The following NIPA2 variants were observed in gnomAD, a reference collection of about 807,000 sequenced individuals.
The protein encoded by NIPA2 is magnesium transporter NIPA2.
In NIPA2, 11 loss-of-function variants were observed where a neutral mutation model predicts 29.7. That is an observed-to-expected ratio of 0.37 (90% CI 0.23 to 0.61). The LOEUF (loss-of-function observed/expected upper bound fraction) is 0.61. NIPA2 is among the 20% of genes least tolerant of loss of function. The pLI is 0.66. For missense variants in NIPA2, 426 were observed against 437.9 expected, an observed-to-expected ratio of 0.97 and a Z score of 0.24; for synonymous variants, 183 against 161.9, an observed-to-expected ratio of 1.13 and a Z score of -0.99.
chr15:22,862,005 G>C (rs1307068024), intron 7 of NIPA2, among the ~76,000 whole-genome samples: 1 of 150,428 alleles, frequency 6.6e-6, no homozygotes, highest in African/African-American at 2.4e-5. Context: ...CCAAAGTGTT[G>C]GGATTACAGG....
chr15:22,846,715 C>T (rs2141094940), intron 3 of NIPA2, among the ~76,000 whole-genome samples: 1 of 151,658 alleles, frequency 6.6e-6, no homozygotes, highest in East Asian at 1.9e-4. Context: ...ACTTGAGAGG[C>T]TGAGGTGGGA....
chr15:22,866,588 C>G lies in NIPA2; in HGVS notation c.824C>G (p.Pro275Arg), dbSNP rs1486901592. ...AILFKEWQDMPVDDVIGTLSG... is the reference protein window; with the variant it reads ...AILFKEWQDMRVDDVIGTLSG... ...CTTTTTAAGGAGTGGCAAGATATGC[C>G]TGTTGACGATGTCATTGGTACTTTG... The change falls in exon 8 of 8, where the codon CCT (proline) becomes CGT (arginine). Residue 275 changes from proline (P) to arginine (R), a missense_variant. Physicochemically the swap from Pro to Arg is moderately radical, Grantham distance 103. Around this residue, in one of 3 missense-constraint regions of NIPA2, gnomAD observed 357 missense variants for 339.8 expected, o/e 1.05. Coordinates refer to ENST00000337451, the MANE Select transcript of NIPA2 (RefSeq NM_030922.7). 7.4e-6 allele frequency: 12 copies of G among 1,613,942 alleles called. No individual in the cohort carries two copies. In the Admixed American group the frequency reaches 1.2e-4, roughly 16 times the overall value.
Position 22,866,602 on chromosome 15 carries a change from A to T in NIPA2, c.838A>T (p.Ile280Phe). ...GCAAGATATGCCTGTTGACGATGTC[A>T]TTGGTACTTTGAGTGGCTTCTTTAC... ...EWQDMPVDDV[I>F]GTLSGFFTII... is the part of the protein sequence containing the mutation. Residue 280 changes from isoleucine (I) to phenylalanine (F), a missense_variant, in exon 8 of 8, where the codon ATT (isoleucine) becomes TTT (phenylalanine). This residue lies in a region of NIPA2 where 357 missense variants were observed against 339.8 expected (regional missense o/e 1.05). Transcript: ENST00000337451. The T allele has an allele frequency of 3.7e-6, 6 of 1,614,150 alleles. No homozygotes were observed. The South Asian group carries it at 5.5e-5, about 15-fold the overall frequency.
chr15:22,854,141 T>A (rs1249255971), intron 5 of NIPA2, among the ~76,000 whole-genome samples: 1 of 149,448 alleles, frequency 6.7e-6, no homozygotes, highest in African/African-American at 2.5e-5. Context: ...TATTTATTTA[T>A]TTTTTGAGAC....
At position 22,846,823 on chromosome 15, in the gene NIPA2, A is replaced by ATAATAG. The variant is rs1321977633; in HGVS notation, c.-94+1561_-94+1562insGTAATA. ...AGAATGAGACCCTGTCTCCAAAATA[A>ATAATAG]TAATAATAATAATAATAATTATTAT... On this transcript the variant is annotated intron_variant, in intron 3 of 7. Coordinates refer to ENST00000337451, the MANE Select transcript of NIPA2 (RefSeq NM_030922.7). 4.4e-4 allele frequency among the ~76,000 whole-genome samples: 47 copies of ATAATAG among 108,000 alleles called. 2 individuals are homozygous for ATAATAG. The South Asian group carries it at 0.014, about 32-fold the overall frequency. The allele number at this position is 108,000 out of a possible 152,430, so 70.9% of individuals were successfully genotyped here. A position where few individuals can be genotyped will look rare whatever the true frequency, so the allele number is the denominator to read the frequency against.
At chr15:22,858,063 AC>A (rs1402912740) in intron 5 of NIPA2, among the ~76,000 whole-genome samples, 2 of 152,098 alleles carry the variant, frequency 1.3e-5, no homozygotes, top group African/African-American at 4.8e-5. Context: ...TTGGACTCTT[AC>A]TGTAATAGAA....
At chr15:22,858,729 C>A in intron 6 of NIPA2, 99 bp downstream of exon 6, 1 of 724,706 alleles carries the variant, frequency 1.4e-6, no homozygotes, top group Non-Finnish European at 2.1e-6. Context: ...ATTTACATTT[C>A]AACAACCTGG....
intron 7 of NIPA2, among the ~76,000 whole-genome samples, chr15:22,862,796 A>C (rs1010424600): frequency 4.0e-5 from 6 of 151,604 alleles, no homozygotes; most frequent in African/African-American, 1.5e-4. Flanking sequence ...AGAGAATGTA[A>C]ATTTCTTCTG....
chr15:22,858,758 C>A, intron 6 of NIPA2, 128 bp downstream of exon 6: 1 of 517,206 alleles, frequency 1.9e-6, no homozygotes, highest in Non-Finnish European at 3.3e-6. Flanking sequence ...GCTTTTTACA[C>A]TACGTAGTAA....
rs1190323321 is a variant in NIPA2, at chr15:22,868,107, CCT to C, written c.*1261_*1262del. The C allele has an allele frequency of 2.0e-5, 3 of 152,274 alleles. No homozygotes were observed. Among genetic ancestry groups the C allele is most frequent in the Admixed American group, 6.5e-5 (1 of 15,288 alleles). 9.4% of individuals were successfully genotyped at this position (152,274 alleles called of 1,614,324 possible). A position where few individuals can be genotyped will look rare whatever the true frequency, so the allele number is the denominator to read the frequency against. On this transcript the variant is annotated 3_prime_UTR_variant, in exon 8 of 8. Coordinates refer to ENST00000337451, the MANE Select transcript of NIPA2 (RefSeq NM_030922.7). ...AAGCCATCACTCCCCGAGGGCCTCC[CCT>C]GCCAATGGTGCTGGTATCCCATGCA...
chr15:22,846,634 G>A (rs1194105339), intron 3 of NIPA2, among the ~76,000 whole-genome samples: 1 of 151,842 alleles, frequency 6.6e-6, no homozygotes, highest in African/African-American at 2.4e-5. Context: ...ACAACATGGT[G>A]AAACTCTGTA....
intron 3 of NIPA2, among the ~76,000 whole-genome samples, chr15:22,847,108 G>A (rs1898960805): frequency 6.6e-6 from 1 of 151,764 alleles, no homozygotes. Context: ...GTTTCTCCAT[G>A]TTGGTCAGGC....
At position 22,858,625 on chromosome 15, in the gene NIPA2, A is replaced by C; in HGVS notation, c.282A>C (p.Leu94=). 1 of 1,590,240 alleles carries C rather than the reference A, an allele frequency of 6.3e-7. No individual in the cohort carries two copies. Among genetic ancestry groups the C allele is most frequent in the Non-Finnish European group, 8.6e-7 (1 of 1,165,146 alleles). Residue 94 remains leucine (L), a synonymous_variant, in exon 6 of 8, where the codon CTA becomes CTC. Coordinates refer to ENST00000337451, the MANE Select transcript of NIPA2 (RefSeq NM_030922.7). The stretch of plus-strand genomic sequence containing the variant: ...CTCCACTAGGAGCTCTCAGCGTGCT[A>C]GTAAGGTAAGGACACGTTTTTCATG... ...LVTPLGALSV[L]VSAILSSYFL...
At chr15:22,844,803 A>G (rs1898168865) in intron 2 of NIPA2, among the ~76,000 whole-genome samples, 1 of 152,168 alleles carries the variant, frequency 6.6e-6, no homozygotes, top group African/African-American at 2.4e-5. Flanking sequence ...CCTCCCACAC[A>G]CAGAATAAGC....
In NIPA2 at chr15:22,868,272, A is replaced by G. The variant is rs781721098; in HGVS notation, c.*1425A>G. 4 of 152,098 alleles carry G rather than the reference A, an allele frequency of 2.6e-5. No homozygotes were observed. The highest frequency in any genetic ancestry group is 2.9e-5 in the Non-Finnish European group (2 of 68,038). The allele number at this position is 152,098 out of a possible 1,614,324, so 9.4% of individuals were successfully genotyped here. On this transcript the variant is annotated 3_prime_UTR_variant, in exon 8 of 8. Coordinates refer to ENST00000337451, the MANE Select transcript of NIPA2 (RefSeq NM_030922.7). ...ACAGATGTACTACGTATCTGTTTAT[A>G]TACTGTACCTACATCTGTGCTTTGT...
At chr15:22,845,665 A>C (rs1259982137) in intron 3 of NIPA2, among the ~76,000 whole-genome samples, 1 of 152,078 alleles carries the variant, frequency 6.6e-6, no homozygotes, top group Non-Finnish European at 1.5e-5. Flanking sequence ...CCTTGAGTGG[A>C]GAGCAGGCTT....
At chr15:22,861,385 C>T (rs2058611941) in intron 7 of NIPA2, among the ~76,000 whole-genome samples, 1 of 152,180 alleles carries the variant, frequency 6.6e-6, no homozygotes, top group South Asian at 2.1e-4. Context: ...TTCTCTTCAG[C>T]AGCATCCTGG....
At chr15:22,863,085 GTT>G (rs199515853) in intron 7 of NIPA2, among the ~76,000 whole-genome samples, 6 of 125,292 alleles carry the variant, frequency 4.8e-5, no homozygotes, top group Admixed American at 7.8e-5. Context: ...TATTTTCTTT[GTT>G]TTTTTTTTTT....
At chr15:22,847,467 CTTTT>C (rs571098735) in intron 3 of NIPA2, among the ~76,000 whole-genome samples, 1 of 145,664 alleles carries the variant, frequency 6.9e-6, no homozygotes, top group Non-Finnish European at 1.5e-5. Flanking sequence ...GATGATGATT[CTTTT>C]TTTTTTTTTC....
Sources: gnomAD v4.1 joint callset for allele counts (sites outside exome capture counted in the v4.1 genomes callset) on GRCh38, gnomAD v4.1.1 for gene constraint, gnomAD v4.1.1 regional missense constraint, MANE v1.5 for transcripts, NCBI Gene and HGNC (gene_info 2026-07-23, HGNC 2026-07-21) for gene names.